Variants in SPMIP2 observed in about 807,000 individuals in gnomAD.
The protein encoded by SPMIP2 is protein SPMIP2.
At chr4:158,941,754 G>A in the SPMIP2 span, among the ~76,000 whole-genome samples, 2 of 151,928 alleles carry the variant, frequency 1.3e-5, no homozygotes, top group Non-Finnish European at 2.9e-5. Flanking sequence ...AGAAACATGT[G>A]GCTTTTTAAA....
chr4:158,980,427 G>A, the SPMIP2 span, among the ~76,000 whole-genome samples: 4 of 152,220 alleles, frequency 2.6e-5, no homozygotes, highest in Non-Finnish European at 4.4e-5. Flanking sequence ...CTCCCAACAG[G>A]TGTTGACAGA....
chr4:158,924,722 T>C, the SPMIP2 span, among the ~76,000 whole-genome samples: 1 of 151,980 alleles, frequency 6.6e-6, no homozygotes, highest in Admixed American at 6.6e-5. Flanking sequence ...ATTGCCCAGG[T>C]TATACTTGAA....
At chr4:158,950,953 C>T in the SPMIP2 span, among the ~76,000 whole-genome samples, 2 of 152,092 alleles carry the variant, frequency 1.3e-5, no homozygotes, top group East Asian at 3.9e-4. Flanking sequence ...AAAGGGTTCA[C>T]AAAGGAGAAA....
the SPMIP2 span, among the ~76,000 whole-genome samples, chr4:159,036,662 A>G: frequency 6.6e-6 from 1 of 152,326 alleles, no homozygotes; most frequent in South Asian, 2.1e-4. Flanking sequence ...AGTGCTTCTC[A>G]TTTTAACCAC....
chr4:158,896,322 G>A, the SPMIP2 span, among the ~76,000 whole-genome samples: 1 of 152,076 alleles, frequency 6.6e-6, no homozygotes, highest in Non-Finnish European at 1.5e-5. Flanking sequence ...GTCTGTGGGG[G>A]GACAGTGCTT....
the SPMIP2 span, among the ~76,000 whole-genome samples, chr4:158,927,589 C>T: frequency 6.6e-6 from 1 of 152,248 alleles, no homozygotes; most frequent in Non-Finnish European, 1.5e-5. Context: ...TGCCTGGGCT[C>T]CCACTTTGGC....
the SPMIP2 span, among the ~76,000 whole-genome samples, chr4:158,901,589 A>G: frequency 6.6e-6 from 1 of 152,122 alleles, no homozygotes; most frequent in African/African-American, 2.4e-5. Context: ...GTGTTTTCCA[A>G]CTTGGTTCCA....
chr4:159,070,964 C>A, the SPMIP2 span, among the ~76,000 whole-genome samples: 1 of 152,086 alleles, frequency 6.6e-6, no homozygotes, highest in Non-Finnish European at 1.5e-5. Context: ...CAGTGGTCAG[C>A]AATGATGATG....
At chr4:159,060,725 T>C in the SPMIP2 span, among the ~76,000 whole-genome samples, 3 of 152,138 alleles carry the variant, frequency 2.0e-5, no homozygotes, top group South Asian at 4.1e-4. Flanking sequence ...TAAACCCTAT[T>C]TGTGAAATAG....
At chr4:159,048,237 G>C in the SPMIP2 span, among the ~76,000 whole-genome samples, 1 of 152,184 alleles carries the variant, frequency 6.6e-6, no homozygotes, top group East Asian at 1.9e-4. Context: ...AAAGGGGGTG[G>C]GGTAGGAGAG....
At chr4:158,996,394 T>C in the SPMIP2 span, among the ~76,000 whole-genome samples, 44,167 of 152,138 alleles carry the variant, frequency 0.29, 6,922 homozygotes, top group South Asian at 0.44. Context: ...CTAGCATAAA[T>C]GTGCATGGTA....
the SPMIP2 span, among the ~76,000 whole-genome samples, chr4:158,985,718 TG>T: frequency 1.3e-5 from 2 of 151,102 alleles, no homozygotes; most frequent in Non-Finnish European, 2.9e-5. Flanking sequence ...CTTTGAAAAC[TG>T]GCACAAGACA....
At chr4:158,970,476 G>A in the SPMIP2 span, among the ~76,000 whole-genome samples, 1,594 of 152,176 alleles carry the variant, frequency 0.01, 15 homozygotes, top group Middle Eastern at 0.048. Context: ...GGAGATGGAG[G>A]CTGCAGTGAG....
chr4:158,973,539 C>A, the SPMIP2 span, among the ~76,000 whole-genome samples: 1 of 151,872 alleles, frequency 6.6e-6, no homozygotes, highest in African/African-American at 2.4e-5. Context: ...CCAAATGAGA[C>A]GGGTAGAATT....
At chr4:159,050,311 G>C in the SPMIP2 span, among the ~76,000 whole-genome samples, 1 of 150,482 alleles carries the variant, frequency 6.6e-6, no homozygotes, top group Non-Finnish European at 1.5e-5. Context: ...TGTATTGAAA[G>C]GGAAAAGAAT....
the SPMIP2 span, among the ~76,000 whole-genome samples, chr4:159,017,613 T>G: frequency 2.6e-5 from 4 of 152,184 alleles, no homozygotes; most frequent in Admixed American, 2.6e-4. Context: ...TGGTGTGTCC[T>G]GCATGTCCTA....
At chr4:158,969,606 G>A in the SPMIP2 span, among the ~76,000 whole-genome samples, 41,535 of 152,072 alleles carry the variant, frequency 0.27, 6,363 homozygotes, top group South Asian at 0.41. Flanking sequence ...CACTCAGCAT[G>A]GAAGTTATTA....
the SPMIP2 span, among the ~76,000 whole-genome samples, chr4:158,977,100 C>T: frequency 1.3e-5 from 2 of 152,128 alleles, no homozygotes; most frequent in South Asian, 4.1e-4. Context: ...CAGAATGATG[C>T]TGGCCTCATA....
chr4:159,030,353 C>A, the SPMIP2 span, among the ~76,000 whole-genome samples: 1 of 151,590 alleles, frequency 6.6e-6, no homozygotes, highest in Non-Finnish European at 1.5e-5. Flanking sequence ...GTCAAGGCTG[C>A]AGTAAGCCAT....
Sources: gnomAD v4.1 joint callset for allele counts (sites outside exome capture counted in the v4.1 genomes callset) on GRCh38, gnomAD v4.1.1 for gene constraint, MANE v1.5 for transcripts, NCBI Gene and HGNC (gene_info 2026-07-23, HGNC 2026-07-21) for gene names.